PPP2R2B: variants seen among roughly 807,000 people sequenced by gnomAD.
The protein encoded by PPP2R2B is serine/threonine-protein phosphatase 2A 55 kDa regulatory subunit B beta isoform.
PPP2R2B carries 5 observed loss-of-function variants against 46.0 expected under a neutral mutation model. The observed-to-expected ratio is 0.11, with a 90% CI of 0.06 to 0.23. PPP2R2B has a LOEUF of 0.23. Among genes scored for constraint, PPP2R2B ranks in the 10% least tolerant of loss-of-function variants. The probability of loss-of-function intolerance (pLI) is 1.00; values close to 1 mark genes in which losing one functional copy is unlikely to be tolerated. For missense variants in PPP2R2B, 367 were observed against 575.0 expected, an observed-to-expected ratio of 0.64 and a Z score of 3.70; for synonymous variants, 215 against 206.7, an observed-to-expected ratio of 1.04 and a Z score of -0.34.
At chr5:146,609,447 A>C (rs1772626399) in intron 7 of PPP2R2B, among the ~76,000 whole-genome samples, 1 of 152,218 alleles carries the variant, frequency 6.6e-6, no homozygotes, top group African/African-American at 2.4e-5. Flanking sequence ...ATTTGAAAAA[A>C]CTTAAATATG....
intron 2 of PPP2R2B, among the ~76,000 whole-genome samples, chr5:146,790,954 T>C (rs1476768694): frequency 6.6e-6 from 1 of 152,120 alleles, no homozygotes; most frequent in Non-Finnish European, 1.5e-5. Flanking sequence ...AGGACAAAAG[T>C]CACAACGAAT....
At chr5:146,855,847 A>G (rs1760626337) in intron 2 of PPP2R2B, among the ~76,000 whole-genome samples, 2 of 152,244 alleles carry the variant, frequency 1.3e-5, no homozygotes, top group African/African-American at 4.8e-5. Flanking sequence ...TGAATAAAAA[A>G]GCCTAGCAGA....
chr5:147,044,548 C>T (rs901107457), intron 1 of PPP2R2B, among the ~76,000 whole-genome samples: 1 of 152,240 alleles, frequency 6.6e-6, no homozygotes, highest in African/African-American at 2.4e-5. Flanking sequence ...TTAGACAGGG[C>T]TTGAACTCAC....
At chr5:146,842,126 G>A (rs145856954) in intron 2 of PPP2R2B, among the ~76,000 whole-genome samples, 1 of 152,162 alleles carries the variant, frequency 6.6e-6, no homozygotes, top group East Asian at 1.9e-4. Flanking sequence ...TTAAAGTACT[G>A]CACATTTATC....
chr5:146,770,716 G>C (rs1754799686), intron 2 of PPP2R2B, among the ~76,000 whole-genome samples: 1 of 152,184 alleles, frequency 6.6e-6, no homozygotes, highest in African/African-American at 2.4e-5. Flanking sequence ...CATCACACAG[G>C]AGGTGTCGTC....
At chr5:147,049,837 TAGAA>T (rs1462473266) in intron 1 of PPP2R2B, among the ~76,000 whole-genome samples, 4 of 152,158 alleles carry the variant, frequency 2.6e-5, no homozygotes, top group Non-Finnish European at 5.9e-5. Flanking sequence ...GGTGGCATGA[TAGAA>T]AGTGCAAATC....
upstream of PPP2R2B, among the ~76,000 whole-genome samples, chr5:146,881,937 A>T (rs1409507809): frequency 6.6e-6 from 1 of 152,120 alleles, no homozygotes; most frequent in Non-Finnish European, 1.5e-5. Flanking sequence ...GGTTCGATTT[A>T]TTCCTGTATG....
upstream of PPP2R2B, among the ~76,000 whole-genome samples, chr5:147,059,827 A>G (rs1757205363): frequency 6.6e-6 from 1 of 152,164 alleles, no homozygotes; most frequent in Non-Finnish European, 1.5e-5. Context: ...TGCCAAGTCC[A>G]GCTAGAGCCC....
At chr5:146,730,293 A>G (rs987509856) in intron 2 of PPP2R2B, among the ~76,000 whole-genome samples, 1 of 152,162 alleles carries the variant, frequency 6.6e-6, no homozygotes, top group Non-Finnish European at 1.5e-5. Flanking sequence ...CATTGTATCT[A>G]GGAAGTAACT....
chr5:146,968,024 G>A (rs1055270661), intron 1 of PPP2R2B, among the ~76,000 whole-genome samples: 2 of 152,060 alleles, frequency 1.3e-5, no homozygotes, highest in Non-Finnish European at 2.9e-5. Flanking sequence ...CATGAATCTA[G>A]AACAATCTTG....
intron 2 of PPP2R2B, among the ~76,000 whole-genome samples, chr5:146,803,213 TC>T (rs770098187): frequency 8.9e-4 from 135 of 152,236 alleles, no homozygotes; most frequent in Admixed American, 1.5e-3. Flanking sequence ...GGAGATCAAA[TC>T]CCCAGGCAAT....
intron 2 of PPP2R2B, among the ~76,000 whole-genome samples, chr5:146,768,521 A>C (rs946128971): frequency 2.0e-5 from 3 of 152,016 alleles, no homozygotes; most frequent in Admixed American, 2.0e-4. Flanking sequence ...ATGGCCTCCA[A>C]ATCTGGTCTC....
rs558820055 is a variant in PPP2R2B, at chr5:146,951,190, T to A, written c.79+104475A>T. Among the ~76,000 whole-genome samples the A allele has an allele frequency of 8.7e-4, 133 of 152,106 alleles. 1 individual carries two copies. The highest frequency in any genetic ancestry group is 3.4e-3 in the Middle Eastern group (1 of 294). ...AATCTCTTTTTTGTTTGTTTTTTTT[T>A]AATATCAGCTTTATTGAGGTATAAT... On this transcript the variant is annotated intron_variant, in intron 1 of 8. Transcript: ENST00000336640.
At chr5:146,797,359 T>C (rs115556671) in intron 2 of PPP2R2B, among the ~76,000 whole-genome samples, 5,139 of 152,318 alleles carry the variant, frequency 0.034, 90 homozygotes, top group Non-Finnish European at 0.044. Context: ...TTACATAGCA[T>C]ATTTGATTAT....
At chr5:147,024,105 T>A (rs1755413392) in intron 1 of PPP2R2B, among the ~76,000 whole-genome samples, 1 of 152,146 alleles carries the variant, frequency 6.6e-6, no homozygotes, top group Non-Finnish European at 1.5e-5. Context: ...TCATGGGACT[T>A]CTCAGCCTCC....
intron 1 of PPP2R2B, among the ~76,000 whole-genome samples, chr5:146,995,014 C>T (rs1753861822): frequency 6.6e-6 from 1 of 152,126 alleles, no homozygotes; most frequent in Non-Finnish European, 1.5e-5. Context: ...AAGAGACTCC[C>T]TAGAGGCAGT....
intron 1 of PPP2R2B, among the ~76,000 whole-genome samples, chr5:146,969,004 A>C (rs4705454): frequency 0.19 from 28,342 of 152,266 alleles, 3,216 homozygotes; most frequent in East Asian, 0.36. Context: ...AGGACGTTTA[A>C]CAAGTGGCGC....
intron 5 of PPP2R2B, among the ~76,000 whole-genome samples, chr5:146,676,348 G>T (rs2151129142): frequency 6.6e-6 from 1 of 152,198 alleles, no homozygotes; most frequent in African/African-American, 2.4e-5. Flanking sequence ...TGCCCAGCAT[G>T]ATCTGGCCAT....
At chr5:147,018,075 A>G (rs1333780625) in intron 1 of PPP2R2B, among the ~76,000 whole-genome samples, 1 of 150,542 alleles carries the variant, frequency 6.6e-6, no homozygotes, top group Non-Finnish European at 1.5e-5. Flanking sequence ...ACACACACAC[A>G]CACACTTAGA....
Sources: gnomAD v4.1 joint callset for allele counts (sites outside exome capture counted in the v4.1 genomes callset) on GRCh38, gnomAD v4.1.1 for gene constraint, MANE v1.5 for transcripts, NCBI Gene and HGNC (gene_info 2026-07-23, HGNC 2026-07-21) for gene names.